Variants in ZBTB49 observed in about 807,000 individuals in gnomAD.
ZBTB49 encodes zinc finger and BTB domain-containing protein 49.
ZBTB49 carries 43 observed loss-of-function variants against 57.5 expected under a neutral mutation model. The observed-to-expected ratio is 0.75, with a 90% CI of 0.59 to 0.97. The LOEUF (loss-of-function observed/expected upper bound fraction) is 0.97. Among genes scored for constraint, ZBTB49 ranks in the 50% least tolerant of loss-of-function variants. The pLI is 0.00. For synonymous variants in ZBTB49, 369 were observed against 362.1 expected (o/e 1.02, Z -0.22); for missense variants, 938 against 947.7 (o/e 0.99, Z 0.13).
chr4:4,315,790 C>A lies in ZBTB49; in HGVS notation c.1460-19C>A. 2 of 1,614,022 alleles carry A rather than the reference C, an allele frequency of 1.2e-6. No individual in the cohort carries two copies. The highest frequency in any genetic ancestry group is 1.7e-6 in the Non-Finnish European group (2 of 1,179,896). On this transcript the variant is annotated intron_variant, in intron 6 of 7. Coordinates refer to ENST00000337872, the MANE Select transcript of ZBTB49 (RefSeq NM_145291.4). ...ATGTTCTCTGTCCTTCAGCTTAACA[C>A]CTGTTATGGTCTCTCTAGGGTTTAG...
rs1428680540 is a variant in ZBTB49 at position 4,321,371 on chromosome 4, A to G, written c.*55A>G. The G allele has an allele frequency of 9.5e-6, 15 of 1,574,122 alleles. No homozygotes were observed. The highest frequency in any genetic ancestry group is 1.3e-5 in the Non-Finnish European group (15 of 1,162,918). On this transcript the variant is annotated 3_prime_UTR_variant, in exon 8 of 8. Transcript: ENST00000337872. Reference sequence around the variant, plus strand: ...GTTCTCAGTTTAGCAGGCTGGTGTTAAGGCTGTAGGAGGACCCAGTTTCCC... The same window carrying G: ...GTTCTCAGTTTAGCAGGCTGGTGTTGAGGCTGTAGGAGGACCCAGTTTCCC...
chr4:4,315,617 T>G lies in ZBTB49; in HGVS notation c.1377-19T>G. 6.2e-7 allele frequency: 1 copy of G among 1,612,764 alleles called. No individual in the cohort carries two copies. The highest frequency in any genetic ancestry group is 8.5e-7 in the Non-Finnish European group (1 of 1,179,246). ...TAATGTGGAAAGGCTCTTAATTGAA[T>G]TTTCAAATTACATTCTAGGTTTGCA... On this transcript the variant is annotated intron_variant, in intron 5 of 7. Coordinates refer to ENST00000337872, the MANE Select transcript of ZBTB49 (RefSeq NM_145291.4).
At chr4:4,300,193 A>G (rs1720415002) in intron 2 of ZBTB49, 96 bp downstream of exon 2, 2 of 1,348,350 alleles carry the variant, frequency 1.5e-6, no homozygotes, top group South Asian at 1.5e-5. Flanking sequence ...GGATTTCACT[A>G]TCTTTATCTT....
At chr4:4,291,868 C>A (rs920439827) in intron 1 of ZBTB49, among the ~76,000 whole-genome samples, 3 of 152,290 alleles carry the variant, frequency 2.0e-5, no homozygotes, top group Non-Finnish European at 2.9e-5. Context: ...CGGTGGCTCA[C>A]GCCTGTAATC....
chr4:4,319,682 G>A (rs1364714377), intron 7 of ZBTB49, among the ~76,000 whole-genome samples: 1 of 152,146 alleles, frequency 6.6e-6, no homozygotes, highest in Non-Finnish European at 1.5e-5. Context: ...TTAGCCTGGT[G>A]TGTTGGCACA....
chr4:4,317,527 G>A (rs1265366856), intron 7 of ZBTB49, among the ~76,000 whole-genome samples: 3 of 152,080 alleles, frequency 2.0e-5, no homozygotes, highest in African/African-American at 7.2e-5. Flanking sequence ...TCTAGGTTCT[G>A]TCTCTGTGGA....
At chr4:4,298,909 C>T (rs1407350056) in intron 1 of ZBTB49, among the ~76,000 whole-genome samples, 2 of 152,198 alleles carry the variant, frequency 1.3e-5, no homozygotes, top group East Asian at 1.9e-4. Flanking sequence ...CAGGCACTTT[C>T]GTGTGTGTGT....
chr4:4,294,973 T>C (rs1720125316), intron 1 of ZBTB49, among the ~76,000 whole-genome samples: 1 of 149,922 alleles, frequency 6.7e-6, no homozygotes, highest in Non-Finnish European at 1.5e-5. Context: ...ACTCCAGTGT[T>C]TGGGGGCCAG....
Position 4,298,245 on chromosome 4 carries a change from A to G in ZBTB49, c.-19-1682A>G, listed in dbSNP as rs562372669. On this transcript the variant is annotated intron_variant, in intron 1 of 7. Coordinates refer to ENST00000337872, the MANE Select transcript of ZBTB49 (RefSeq NM_145291.4). The stretch of plus-strand genomic sequence containing the variant: ...ATAGGTGGTTTGGGGAGCTGCTAGT[A>G]GTTCACTTTGGCTGCCACATACTTG... 3.3e-5 allele frequency among the ~76,000 whole-genome samples: 5 copies of G among 152,296 alleles called. No individual in the cohort carries two copies. In the South Asian group the frequency reaches 1.0e-3, roughly 32 times the overall value.
intron 3 of ZBTB49, among the ~76,000 whole-genome samples, chr4:4,305,920 A>G (rs1194084106): frequency 6.6e-6 from 1 of 152,214 alleles, no homozygotes; most frequent in Non-Finnish European, 1.5e-5. Context: ...TTGTTTGGAG[A>G]ACAGTTTAAG....
chr4:4,314,432 C>CT (rs1387618253), intron 5 of ZBTB49, among the ~76,000 whole-genome samples: 1 of 152,190 alleles, frequency 6.6e-6, no homozygotes, highest in Non-Finnish European at 1.5e-5. Flanking sequence ...AGTGAAGTGG[C>CT]TGAATCTCGG....
chr4:4,310,532 T>C (rs1188017166), intron 4 of ZBTB49, among the ~76,000 whole-genome samples: 1 of 142,548 alleles, frequency 7.0e-6, no homozygotes, highest in Admixed American at 7.2e-5. Flanking sequence ...TTTTTTGAGA[T>C]GGAGTCTTGC....
rs778343533 is a variant in ZBTB49 at position 4,302,344 on chromosome 4, T to G, written c.508T>G (p.Leu170Val). ...AGCAGATGCACAGCAGAACAAAACG[T>G]TGGATGAATCGCATCCGCATGCTTC... ...CSADAQQNKT[L>V]DESHPHASPS... Residue 170 changes from leucine (L) to valine (V), a missense_variant, in exon 3 of 8, where the codon TTG becomes GTG. This residue lies in a region of ZBTB49 where 835 missense variants were observed against 819.1 expected (regional missense o/e 1.02). Coordinates refer to ENST00000337872, the MANE Select transcript of ZBTB49 (RefSeq NM_145291.4). The G allele has an allele frequency of 6.2e-7, 1 of 1,614,230 alleles. No homozygotes were observed. The highest frequency in any genetic ancestry group is 8.5e-7 in the Non-Finnish European group (1 of 1,180,042).
intron 3 of ZBTB49, among the ~76,000 whole-genome samples, chr4:4,304,466 C>G (rs931446899): frequency 2.6e-5 from 4 of 152,100 alleles, no homozygotes; most frequent in African/African-American, 9.7e-5. Flanking sequence ...GATCTGCCCA[C>G]CTCGGCCTCC....
chr4:4,292,237 C>A (rs1719977004), intron 1 of ZBTB49, among the ~76,000 whole-genome samples: 1 of 152,138 alleles, frequency 6.6e-6, no homozygotes, highest in Non-Finnish European at 1.5e-5. Context: ...GCCGAAAGCA[C>A]ACCACTCCAC....
At chr4:4,299,739 T>C (rs1208161105) in intron 1 of ZBTB49, among the ~76,000 whole-genome samples, 188 bp from the exon 2 acceptor site, 1 of 151,984 alleles carries the variant, frequency 6.6e-6, no homozygotes, top group Non-Finnish European at 1.5e-5. Context: ...CAGGTAATTC[T>C]GTTGAACAGC....
At chr4:4,318,108 T>C (rs1200380725) in intron 7 of ZBTB49, among the ~76,000 whole-genome samples, 1 of 152,034 alleles carries the variant, frequency 6.6e-6, no homozygotes, top group Non-Finnish European at 1.5e-5. Flanking sequence ...GAGGTGGGCG[T>C]CATTCCCCTG....
At chr4:4,317,830 G>T (rs535753135) in intron 7 of ZBTB49, among the ~76,000 whole-genome samples, 2 of 152,064 alleles carry the variant, frequency 1.3e-5, no homozygotes, top group East Asian at 1.9e-4. Flanking sequence ...ATTTCACTGC[G>T]CTTTCCGAGA....
At chr4:4,313,283 CGA>C (rs1721054562) in intron 5 of ZBTB49, among the ~76,000 whole-genome samples, 169 bp downstream of exon 5, 1 of 151,638 alleles carries the variant, frequency 6.6e-6, no homozygotes, top group Non-Finnish European at 1.5e-5. Flanking sequence ...ATGTGACACA[CGA>C]GAGAATAATA....
Sources: allele counts gnomAD v4.1 joint callset (sites outside exome capture counted in the v4.1 genomes callset), GRCh38; gene constraint gnomAD v4.1.1; regional missense constraint gnomAD v4.1.1; transcripts MANE v1.5; gene names NCBI Gene and HGNC (gene_info 2026-07-23, HGNC 2026-07-21).